The following PKP1 variants were observed in gnomAD, a reference collection of about 807,000 sequenced individuals.
The protein encoded by PKP1 is plakophilin 1, also known as plakophilin-1.
In PKP1, 27 loss-of-function variants were observed where a neutral mutation model predicts 76.4. The observed-to-expected ratio is 0.35, with a 90% CI of 0.26 to 0.49. The LOEUF (loss-of-function observed/expected upper bound fraction) is 0.49, where lower values mean the gene tolerates loss of function less well. Among genes scored for constraint, PKP1 ranks in the 20% least tolerant of loss-of-function variants. PKP1 has a pLI of 0.99. For synonymous variants in PKP1, 404 were observed against 384.2 expected (o/e 1.05, Z -0.60); for missense variants, 964 against 955.2 (o/e 1.01, Z -0.12).
chr1:201,315,585 G>T (rs1201388409), intron 3 of PKP1, among the ~76,000 whole-genome samples: 1 of 152,268 alleles, frequency 6.6e-6, no homozygotes, highest in Non-Finnish European at 1.5e-5. Context: ...GACCTGGCCA[G>T]GGTACAGTGA....
In PKP1 at chr1:201,294,029, G is replaced by A. The variant is rs762914218; in HGVS notation, c.290G>A (p.Gly97Asp). ...SYYSKFQAGN[G>D]SWGYPIYNGT... Reference sequence around the variant, plus strand: ...TACTCCAAGTTCCAGGCAGGGAATGGCTCATGGGGATATCCGGTAAGGAAC... The same window carrying A: ...TACTCCAAGTTCCAGGCAGGGAATGACTCATGGGGATATCCGGTAAGGAAC... The change falls in exon 2 of 14, where the codon GGC becomes GAC. Residue 97 changes from glycine (G) to aspartate (D), a missense_variant. Coordinates refer to ENST00000367324, the MANE Select transcript of PKP1 (RefSeq NM_001005337.3). 1 of 1,610,680 alleles carries A rather than the reference G, an allele frequency of 6.2e-7. No individual in the cohort carries two copies. Among genetic ancestry groups the A allele is most frequent in the Non-Finnish European group, 8.5e-7 (1 of 1,176,932 alleles).
intron 9 of PKP1, among the ~76,000 whole-genome samples, chr1:201,323,554 GA>G (rs1289688402): frequency 6.6e-6 from 1 of 152,162 alleles, no homozygotes; most frequent in East Asian, 1.9e-4. Flanking sequence ...GACAAAGGTG[GA>G]AAAAGAGGGT....
In PKP1 at chr1:201,283,835, GTGA is replaced by G. The variant is rs1655645507; in HGVS notation, c.140_142del (p.Met47del). On this transcript the variant is annotated inframe_deletion, in exon 1 of 14. Transcript: ENST00000367324. ...TGGCAGGCAGCGCGTGCAGGAGCAGGTGATGATGACCGTCAAGCGGCAGAAGTC... is the reference window on the plus strand; with the variant it reads ...TGGCAGGCAGCGCGTGCAGGAGCAGGTGATGACCGTCAAGCGGCAGAAGTC... 1 of 1,614,202 alleles carries G rather than the reference GTGA, an allele frequency of 6.2e-7. No homozygotes were observed. Among genetic ancestry groups the G allele is most frequent in the Non-Finnish European group, 8.5e-7 (1 of 1,180,012 alleles).
intron 2 of PKP1, among the ~76,000 whole-genome samples, chr1:201,302,415 C>T (rs1047493040): frequency 2.0e-5 from 3 of 152,134 alleles, no homozygotes; most frequent in African/African-American, 7.2e-5. Context: ...GGCCAAGTTT[C>T]GAAGCCAGCA....
chr1:201,328,949 T>A, intron 13 of PKP1, 81 bp downstream of exon 13: 1 of 896,450 alleles, frequency 1.1e-6, no homozygotes, highest in Non-Finnish European at 1.9e-6. Context: ...GGGCTAGGCC[T>A]GTGCTCCCAG....
chr1:201,300,899 A>C (rs757606165), intron 2 of PKP1, among the ~76,000 whole-genome samples: 1 of 152,150 alleles, frequency 6.6e-6, no homozygotes, highest in Non-Finnish European at 1.5e-5. Flanking sequence ...AGCAGACAGG[A>C]TGGAGGGCAG....
In PKP1 at chr1:201,321,966, C is replaced by T. The variant is rs1410524125; in HGVS notation, c.1348-12C>T. On this transcript the variant is annotated splice_polypyrimidine_tract_variant and intron_variant, in intron 7 of 13. Coordinates refer to ENST00000367324, the MANE Select transcript of PKP1 (RefSeq NM_001005337.3). ...GCAGAGGCTCAGGCCCATGCCTCTC[C>T]TTGGTCCCCAGTCTGTGGAAAACTG... is the stretch of plus-strand genomic sequence containing the variant. 7.4e-6 allele frequency: 12 copies of T among 1,614,008 alleles called. No homozygotes were observed. The highest frequency in any genetic ancestry group is 2.2e-5 in the East Asian group (1 of 44,878).
intron 11 of PKP1, among the ~76,000 whole-genome samples, chr1:201,325,432 G>T (rs1028656834): frequency 6.6e-6 from 1 of 152,118 alleles, no homozygotes; most frequent in Non-Finnish European, 1.5e-5. Flanking sequence ...AGGTCCAACT[G>T]AATAGGGACT....
In PKP1 at chr1:201,302,394, C is replaced by T. The variant is rs1275476496; in HGVS notation, c.306+8349C>T. On this transcript the variant is annotated intron_variant, in intron 2 of 13. Coordinates refer to ENST00000367324, the MANE Select transcript of PKP1 (RefSeq NM_001005337.3). ...AGGGCAGGGGGAGAAGTGGGCCAAGCCTCTCCTGCTGGCCAAGTTTCGAAG... is the reference window on the plus strand; with the variant it reads ...AGGGCAGGGGGAGAAGTGGGCCAAGTCTCTCCTGCTGGCCAAGTTTCGAAG... Among the ~76,000 whole-genome samples the T allele has an allele frequency of 2.6e-5, 4 of 152,118 alleles. No individual in the cohort carries two copies. In the South Asian group the frequency reaches 8.3e-4, roughly 32 times the overall value.
At chr1:201,308,990 C>T (rs1015992951) in intron 2 of PKP1, among the ~76,000 whole-genome samples, 1 of 152,032 alleles carries the variant, frequency 6.6e-6, no homozygotes, top group Admixed American at 6.6e-5. Context: ...AATGGAAGGA[C>T]AGGAGGATGC....
At chr1:201,321,495 C>CAGGA (rs1336602024) in intron 7 of PKP1, among the ~76,000 whole-genome samples, 3 of 151,950 alleles carry the variant, frequency 2.0e-5, no homozygotes, top group African/African-American at 7.3e-5. Context: ...GGACTGGCCC[C>CAGGA]AGGAAGAAAG....
intron 6 of PKP1, 39 bp from the exon 7 acceptor site, chr1:201,320,228 C>A: frequency 7.6e-7 from 1 of 1,322,902 alleles, no homozygotes; most frequent in Non-Finnish European, 1.1e-6. Context: ...TCTCTCTTCC[C>A]CCTTTCTCTG....
At position 201,322,871 on chromosome 1, in the gene PKP1, C is replaced by T. The variant is rs143916958; in HGVS notation, c.1504-142C>T. ...AGGGGTGCAGCGGGGCTGTCCTGGGCCCCCTGCCTCTGCAGGCGCTTCCTC... is the reference window on the plus strand; with the variant it reads ...AGGGGTGCAGCGGGGCTGTCCTGGGTCCCCTGCCTCTGCAGGCGCTTCCTC... On this transcript the variant is annotated intron_variant, in intron 8 of 13. Coordinates refer to ENST00000367324, the MANE Select transcript of PKP1 (RefSeq NM_001005337.3). 3.7e-4 allele frequency: 292 copies of T among 796,466 alleles called. No homozygotes were observed. The African/African-American group carries it at 4.6e-3, about 12-fold the overall frequency. 49.3% of individuals were successfully genotyped at this position (796,466 alleles called of 1,614,324 possible). A position where few individuals can be genotyped will look rare whatever the true frequency, so the allele number is the denominator to read the frequency against.
chr1:201,324,535 C>T lies in PKP1; in HGVS notation c.1788C>T (p.Ser596=), dbSNP rs1331464803. The T allele has an allele frequency of 9.9e-6, 16 of 1,614,002 alleles. 1 individual carries two copies. In the African/African-American group the frequency reaches 1.3e-4, roughly 13 times the overall value. The change falls in exon 10 of 14, where the codon TCC becomes TCT. Residue 596 remains serine (S), a synonymous_variant. Coordinates refer to ENST00000367324, the MANE Select transcript of PKP1 (RefSeq NM_001005337.3). Reference sequence around the variant, plus strand: ...CTGATGTGGTGCGGTCCGGAGCCTCCCTCCTGAGCAACATGTCCCGCCACC... The same window carrying T: ...CTGATGTGGTGCGGTCCGGAGCCTCTCTCCTGAGCAACATGTCCCGCCACC... ...GNSDVVRSGA[S]LLSNMSRHPL... is the part of the protein sequence containing the mutation.
intron 11 of PKP1, among the ~76,000 whole-genome samples, 196 bp from the exon 12 acceptor site, chr1:201,325,558 G>T (rs1027816838): frequency 6.6e-6 from 1 of 152,072 alleles, no homozygotes; most frequent in Non-Finnish European, 1.5e-5. Flanking sequence ...GTGGGCAGGG[G>T]CATGGGGTTG....
intron 2 of PKP1, among the ~76,000 whole-genome samples, chr1:201,311,100 G>T (rs1480055056): frequency 6.6e-6 from 1 of 152,356 alleles, no homozygotes; most frequent in South Asian, 2.1e-4. Flanking sequence ...GGTGCTCCTT[G>T]TTGCATTTCC....
At chr1:201,325,886 AGCAGAGGGCCTG>A in intron 12 of PKP1, 48 bp downstream of exon 12, 2 of 1,430,120 alleles carry the variant, frequency 1.4e-6, no homozygotes, top group African/African-American at 1.4e-5. Context: ...CCTGCTCATG[AGCAGAGGGCCTG>A]GCATATGCTG....
rs1240945575 is a variant in PKP1, at chr1:201,332,888, G to A, written c.*2847G>A. The A allele has an allele frequency of 6.6e-6, 1 of 152,234 alleles. No individual in the cohort carries two copies. The highest frequency in any genetic ancestry group is 6.5e-5 in the Admixed American group (1 of 15,284). The allele number at this position is 152,234 out of a possible 1,614,324, so 9.4% of individuals were successfully genotyped here. A position where few individuals can be genotyped will look rare whatever the true frequency, so the allele number is the denominator to read the frequency against. On this transcript the variant is annotated 3_prime_UTR_variant, in exon 14 of 14. Coordinates refer to ENST00000367324, the MANE Select transcript of PKP1 (RefSeq NM_001005337.3). Reference sequence around the variant, plus strand: ...TTCCCCTTGCTTCATGTTTGTAGAGGAACCTTGTGCCGGCCAGGCCCAGTT... The same window carrying A: ...TTCCCCTTGCTTCATGTTTGTAGAGAAACCTTGTGCCGGCCAGGCCCAGTT...
At chr1:201,316,056 A>C (rs1217923204) in intron 3 of PKP1, 1 of 156,200 alleles carries the variant, frequency 6.4e-6, no homozygotes, top group Non-Finnish European at 1.4e-5. Context: ...AAATGGATGG[A>C]TGGATGCATG....
Sources: allele counts gnomAD v4.1 joint callset (sites outside exome capture counted in the v4.1 genomes callset), GRCh38; gene constraint gnomAD v4.1.1; transcripts MANE v1.5; gene names NCBI Gene and HGNC (gene_info 2026-07-23, HGNC 2026-07-21).